The following DCC variants were observed in gnomAD, a reference collection of about 807,000 sequenced individuals.
The protein encoded by DCC is DCC netrin 1 receptor, also known as netrin receptor DCC.
Under a neutral mutation model 172.5 loss-of-function variants are expected in DCC, and 58 were observed. That is an observed-to-expected ratio of 0.34 (90% CI 0.27 to 0.42). The LOEUF (loss-of-function observed/expected upper bound fraction) is 0.42. Among genes scored for constraint, DCC ranks in the 10% least tolerant of loss-of-function variants. The pLI, the probability that DCC is intolerant of heterozygous loss-of-function variation, is 1.00. For missense variants in DCC, 1,740 were observed against 1,791.0 expected (o/e 0.97, Z 0.51); for synonymous variants, 709 against 644.5 (o/e 1.10, Z -1.52).
At chr18:52,776,285 A>G (rs530060893) in intron 2 of DCC, among the ~76,000 whole-genome samples, 61 of 151,010 alleles carry the variant, frequency 4.0e-4, no homozygotes, top group African/African-American at 1.5e-3. Context: ...AAGAAACTCC[A>G]AAAGAAGAAC....
Position 53,522,195 on chromosome 18 carries a change from C to T in DCC, c.4112-4422C>T, listed in dbSNP as rs559938307. Among the ~76,000 whole-genome samples the T allele has an allele frequency of 3.3e-5, 5 of 151,928 alleles. No homozygotes were observed. In the South Asian group the frequency reaches 1.0e-3, roughly 32 times the overall value. The stretch of plus-strand genomic sequence containing the variant: ...ATTTCACATGCTGGGTTATCTGTAC[C>T]TGCCAAGGTTTTTAGTGGCTGCCTT... On this transcript the variant is annotated intron_variant, in intron 27 of 28. Transcript: ENST00000442544.
chr18:53,454,197 C>A (rs2045453560), intron 23 of DCC, among the ~76,000 whole-genome samples: 1 of 152,070 alleles, frequency 6.6e-6, no homozygotes, highest in Admixed American at 6.6e-5. Context: ...AATTTTAAAT[C>A]AGCCAGATAT....
intron 8 of DCC, among the ~76,000 whole-genome samples, chr18:53,173,179 T>C (rs2055039103): frequency 6.6e-6 from 1 of 152,116 alleles, no homozygotes; most frequent in Non-Finnish European, 1.5e-5. Flanking sequence ...AGCAGTGTGG[T>C]ATGTGGCAAA....
At chr18:52,891,683 A>C (rs1320038491) in intron 2 of DCC, among the ~76,000 whole-genome samples, 1 of 152,114 alleles carries the variant, frequency 6.6e-6, no homozygotes, top group African/African-American at 2.4e-5. Flanking sequence ...TAAATATTTT[A>C]CTTGGAAACT....
intron 27 of DCC, among the ~76,000 whole-genome samples, chr18:53,507,605 TG>T (rs2046196951): frequency 6.6e-6 from 1 of 152,172 alleles, no homozygotes; most frequent in African/African-American, 2.4e-5. Context: ...TAGAGGAGAA[TG>T]CCTTTATCTT....
At chr18:52,690,208 C>T (rs932544893) in intron 1 of DCC, among the ~76,000 whole-genome samples, 5 of 152,132 alleles carry the variant, frequency 3.3e-5, no homozygotes, top group African/African-American at 7.2e-5. Flanking sequence ...AGTCAGTCAA[C>T]ACATCTGACT....
At chr18:53,444,934 C>A (rs1181916409) in intron 22 of DCC, among the ~76,000 whole-genome samples, 1 of 152,146 alleles carries the variant, frequency 6.6e-6, no homozygotes, top group Non-Finnish European at 1.5e-5. Flanking sequence ...CATTGTATCT[C>A]CAACATCTAA....
intron 7 of DCC, among the ~76,000 whole-genome samples, chr18:53,091,900 T>G (rs1007070914): frequency 1.3e-5 from 2 of 151,806 alleles, no homozygotes; most frequent in African/African-American, 4.8e-5. Context: ...TCTTTAAATT[T>G]GATATATTTA....
chr18:52,620,159 T>A (rs906347434), intron 1 of DCC, among the ~76,000 whole-genome samples: 2 of 152,242 alleles, frequency 1.3e-5, no homozygotes, highest in African/African-American at 2.4e-5. Flanking sequence ...TGAATTTACT[T>A]CTAGTTCTTA....
rs1456126417 is a variant in DCC at position 52,961,409 on chromosome 18, G to A, written c.985+36039G>A. On this transcript the variant is annotated intron_variant, in intron 5 of 28. Coordinates refer to ENST00000442544, the MANE Select transcript of DCC (RefSeq NM_005215.4). The stretch of plus-strand genomic sequence containing the variant: ...ACCTATTACTGGATGAAACAGCAAC[G>A]ATGATCTATCTTTATATGAAAAGTT... Among the ~76,000 whole-genome samples, 6 of 152,102 alleles carry A rather than the reference G, an allele frequency of 3.9e-5. No homozygotes were observed. In the South Asian group the frequency reaches 6.2e-4, roughly 16 times the overall value.
At position 53,136,671 on chromosome 18, in the gene DCC, T is replaced by C. The variant is rs565966146; in HGVS notation, c.1262-20685T>C. ...AGGAAACTTTAGGGTTGATAAGGTATCTTGTGTCTCTTGCTTGTGGTGGTG... is the reference window on the plus strand; with the variant it reads ...AGGAAACTTTAGGGTTGATAAGGTACCTTGTGTCTCTTGCTTGTGGTGGTG... On this transcript the variant is annotated intron_variant, in intron 7 of 28. Coordinates refer to ENST00000442544, the MANE Select transcript of DCC (RefSeq NM_005215.4). Among the ~76,000 whole-genome samples the C allele has an allele frequency of 8.6e-5, 13 of 151,022 alleles. No individual in the cohort carries two copies. In the South Asian group the frequency reaches 2.7e-3, roughly 31 times the overall value.
intron 15 of DCC, among the ~76,000 whole-genome samples, chr18:53,349,590 G>C (rs1445155199): frequency 1.3e-5 from 2 of 152,154 alleles, no homozygotes; most frequent in Non-Finnish European, 2.9e-5. Flanking sequence ...CAAAAGAAAG[G>C]GGTTTAATTG....
intron 1 of DCC, among the ~76,000 whole-genome samples, chr18:52,576,754 C>T (rs1415007230): frequency 3.3e-5 from 5 of 149,670 alleles, no homozygotes; most frequent in African/African-American, 4.9e-5. Flanking sequence ...GGCGTGAACC[C>T]GGGAGGCAGA....
At chr18:52,855,099 T>C (rs978887127) in intron 2 of DCC, among the ~76,000 whole-genome samples, 5 of 152,226 alleles carry the variant, frequency 3.3e-5, no homozygotes, top group Non-Finnish European at 7.3e-5. Context: ...TGTAACACTA[T>C]AGGGAGCTCT....
At chr18:52,372,976 A>G (rs1413384863) in intron 1 of DCC, among the ~76,000 whole-genome samples, 1 of 152,236 alleles carries the variant, frequency 6.6e-6, no homozygotes, top group African/African-American at 2.4e-5. Flanking sequence ...TTAGGGATGC[A>G]GGAGCCTCTA....
At chr18:52,893,702 C>A (rs1175581496) in intron 2 of DCC, among the ~76,000 whole-genome samples, 1 of 152,056 alleles carries the variant, frequency 6.6e-6, no homozygotes, top group East Asian at 1.9e-4. Flanking sequence ...TAACATAGCA[C>A]AAGTTGTTAC....
At chr18:52,841,991 T>C (rs1673512505) in intron 2 of DCC, among the ~76,000 whole-genome samples, 1 of 99,384 alleles carries the variant, frequency 1.0e-5, no homozygotes, top group Non-Finnish European at 2.0e-5. Context: ...ATTCCAGAAA[T>C]GACAATTTTT....
In DCC at chr18:53,281,434, C is replaced by T. The variant is rs187393302; in HGVS notation, c.1912-24144C>T. Among the ~76,000 whole-genome samples, 4 of 152,172 alleles carry T rather than the reference C, an allele frequency of 2.6e-5. No homozygotes were observed. The East Asian group carries it at 7.7e-4, about 29-fold the overall frequency. ...CATGGCTGAGTTTTAGTCTTTAATC[C>T]ATAAATATTTCTTTTGCTGAGAACT... On this transcript the variant is annotated intron_variant, in intron 12 of 28. Transcript: ENST00000442544.
intron 1 of DCC, among the ~76,000 whole-genome samples, chr18:52,731,784 A>G (rs1267067231): frequency 1.3e-5 from 2 of 152,276 alleles, no homozygotes; most frequent in East Asian, 3.9e-4. Context: ...TTCCTAATAT[A>G]TTAATATATA....
Sources: allele counts gnomAD v4.1 joint callset (sites outside exome capture counted in the v4.1 genomes callset), GRCh38; gene constraint gnomAD v4.1.1; transcripts MANE v1.5; gene names NCBI Gene and HGNC (gene_info 2026-07-23, HGNC 2026-07-21).